The following NRG1 variants were observed in gnomAD, a reference collection of about 807,000 sequenced individuals.
NRG1 encodes neuregulin 1, also known as pro-neuregulin-1, membrane-bound isoform.
In NRG1, 18 loss-of-function variants were observed where a neutral mutation model predicts 63.8. The ratio of observed to expected loss-of-function variants is 0.28; its 90% CI spans 0.19 to 0.42. The LOEUF (loss-of-function observed/expected upper bound fraction) is 0.42. Among genes scored for constraint, NRG1 ranks in the 10% least tolerant of loss-of-function variants. NRG1 has a pLI of 1.00. For synonymous variants in NRG1, 302 were observed against 301.3 expected (o/e 1.00, Z -0.02); for missense variants, 762 against 814.7 (o/e 0.94, Z 0.79).
chr8:32,357,313 A>G (rs1048814221), intron 1 of NRG1, among the ~76,000 whole-genome samples: 1 of 152,206 alleles, frequency 6.6e-6, no homozygotes. Flanking sequence ...ATAGTCCCCA[A>G]CTGTTAGCAC....
chr8:31,950,609 T>C (rs889378580), intron 1 of NRG1, among the ~76,000 whole-genome samples: 1 of 152,234 alleles, frequency 6.6e-6, no homozygotes, highest in Non-Finnish European at 1.5e-5. Flanking sequence ...AGTCGGCTTC[T>C]CTAATATTCT....
intron 1 of NRG1, among the ~76,000 whole-genome samples, chr8:32,046,084 T>A (rs1164710411): frequency 6.6e-6 from 1 of 151,688 alleles, no homozygotes. Context: ...TGAAAACTCT[T>A]AAAAATCAAT....
chr8:32,276,795 T>C (rs76318520), intron 1 of NRG1, among the ~76,000 whole-genome samples: 8,866 of 152,152 alleles, frequency 0.058, 757 homozygotes, highest in African/African-American at 0.19. Context: ...TCTGTGAAAA[T>C]AGGGCAAGGG....
chr8:32,537,544 G>A (rs13268488), intron 1 of NRG1, among the ~76,000 whole-genome samples: 23,445 of 152,024 alleles, frequency 0.15, 2,167 homozygotes, highest in Non-Finnish European at 0.19. Flanking sequence ...CTTTTAATAC[G>A]GCTGGCCTGG....
chr8:31,678,087 T>TATTTA, intron 1 of NRG1, among the ~76,000 whole-genome samples: 1 of 35,060 alleles, frequency 2.9e-5, no homozygotes. Flanking sequence ...CCTTTTAACT[T>TATTTA]GTTATTTATT....
intron 1 of NRG1, among the ~76,000 whole-genome samples, chr8:32,417,580 A>C (rs1319755649): frequency 6.6e-6 from 1 of 152,160 alleles, no homozygotes; most frequent in Non-Finnish European, 1.5e-5. Flanking sequence ...TTATGTTCAA[A>C]GATCTCATAG....
chr8:32,664,088 G>A (rs765524226), intron 5 of NRG1, among the ~76,000 whole-genome samples: 2 of 151,978 alleles, frequency 1.3e-5, no homozygotes, highest in Non-Finnish European at 2.9e-5. Flanking sequence ...TCTCATCTTT[G>A]GTTTTATTTA....
intron 1 of NRG1, among the ~76,000 whole-genome samples, chr8:32,219,707 G>A (rs1203412184): frequency 1.3e-5 from 2 of 152,136 alleles, no homozygotes; most frequent in African/African-American, 4.8e-5. Flanking sequence ...CTGCTGCTTG[G>A]TTACTGTAGT....
chr8:32,151,659 G>A (rs1210432263), intron 1 of NRG1, among the ~76,000 whole-genome samples: 1 of 152,152 alleles, frequency 6.6e-6, no homozygotes, highest in Non-Finnish European at 1.5e-5. Context: ...AAGGGAGAGA[G>A]CCAGATGACG....
chr8:31,642,791 A>G (rs1803923414), intron 1 of NRG1, among the ~76,000 whole-genome samples: 1 of 152,200 alleles, frequency 6.6e-6, no homozygotes, highest in African/African-American at 2.4e-5. Context: ...TATATGATTT[A>G]AAGTAGGATA....
chr8:31,788,706 A>G (rs1342909792), intron 1 of NRG1, among the ~76,000 whole-genome samples: 1 of 152,234 alleles, frequency 6.6e-6, no homozygotes, highest in Non-Finnish European at 1.5e-5. Context: ...GTGTGAGCAT[A>G]CAGTGCTGGT....
intron 1 of NRG1, among the ~76,000 whole-genome samples, chr8:32,183,448 G>A (rs1490140121): frequency 7.2e-5 from 11 of 152,116 alleles, no homozygotes; most frequent in Non-Finnish European, 2.9e-5. Flanking sequence ...TCTGCCAAAG[G>A]CAAAATGCTG....
At chr8:32,659,962 T>C (rs532098287) in intron 5 of NRG1, among the ~76,000 whole-genome samples, 1 of 152,298 alleles carries the variant, frequency 6.6e-6, no homozygotes, top group South Asian at 2.1e-4. Context: ...TTGCTTGTGC[T>C]TTATCACATT....
intron 1 of NRG1, among the ~76,000 whole-genome samples, chr8:31,874,629 A>T (rs557188028): frequency 2.0e-5 from 3 of 152,314 alleles, no homozygotes; most frequent in South Asian, 4.1e-4. Context: ...TTAGTTTTTT[A>T]AAAATACAAT....
chr8:31,732,581 G>A (rs1260951405), intron 1 of NRG1, among the ~76,000 whole-genome samples: 1 of 151,924 alleles, frequency 6.6e-6, no homozygotes, highest in Non-Finnish European at 1.5e-5. Flanking sequence ...GGACTTTTAG[G>A]GTAGTTACCA....
At chr8:32,564,606 A>G (rs1441865687) in intron 1 of NRG1, among the ~76,000 whole-genome samples, 4 of 152,228 alleles carry the variant, frequency 2.6e-5, no homozygotes, top group South Asian at 4.1e-4. Context: ...TCAGCATGCA[A>G]TTATGGTATT....
At chr8:32,186,508 GAA>G (rs1167504701) in intron 1 of NRG1, among the ~76,000 whole-genome samples, 1 of 149,360 alleles carries the variant, frequency 6.7e-6, no homozygotes, top group Non-Finnish European at 1.5e-5. Context: ...AAAAAAGAAA[GAA>G]AGAAATGATT....
At chr8:32,638,616 C>T (rs779636601) in intron 5 of NRG1, among the ~76,000 whole-genome samples, 11 of 152,074 alleles carry the variant, frequency 7.2e-5, no homozygotes, top group Non-Finnish European at 1.0e-4. Flanking sequence ...GCAGGAGCGA[C>T]CATGTTGGAC....
At chr8:31,843,180 A>G (rs975259830) in intron 1 of NRG1, among the ~76,000 whole-genome samples, 4 of 152,062 alleles carry the variant, frequency 2.6e-5, no homozygotes, top group Non-Finnish European at 4.4e-5. Flanking sequence ...CTGTCCCATT[A>G]ATTTTCATAT....
Sources: allele counts gnomAD v4.1 joint callset (sites outside exome capture counted in the v4.1 genomes callset), GRCh38; gene constraint gnomAD v4.1.1; transcripts MANE v1.5; gene names NCBI Gene and HGNC (gene_info 2026-07-23, HGNC 2026-07-21).